DIAPH2: variants seen among roughly 807,000 people sequenced by gnomAD.
DIAPH2 encodes the protein diaphanous related formin 2.
Under a neutral mutation model 92.7 loss-of-function variants are expected in DIAPH2, and 35 were observed. That is an observed-to-expected ratio of 0.38 (90% CI 0.29 to 0.50). The LOEUF (loss-of-function observed/expected upper bound fraction) is 0.50, where lower values mean the gene tolerates loss of function less well. Among genes scored for constraint, DIAPH2 ranks in the 20% least tolerant of loss-of-function variants. The pLI is 0.94. For synonymous variants in DIAPH2, 301 were observed against 280.4 expected (o/e 1.07, Z -0.73); for missense variants, 701 against 819.5 (o/e 0.86, Z 1.77).
chrX:97,276,103 C>T (rs761184050), intron 23 of DIAPH2, among the ~76,000 whole-genome samples: 5 of 112,051 alleles, frequency 4.5e-5, no homozygotes, highest in South Asian at 3.8e-4. Flanking sequence ...AGCGAAACCC[C>T]GTCTCCACCA....
chrX:97,286,448 A>T (rs147546871), intron 23 of DIAPH2, among the ~76,000 whole-genome samples: 1,598 of 111,308 alleles, frequency 0.014, 11 homozygotes, highest in Non-Finnish European at 0.023. Flanking sequence ...TCTGCTTCCA[A>T]GCTGGGCTGT....
chrX:97,558,619 A>G (rs935960467), intron 26 of DIAPH2, among the ~76,000 whole-genome samples: 1 of 111,742 alleles, frequency 8.9e-6, no homozygotes, highest in Non-Finnish European at 1.9e-5. Flanking sequence ...TTTTAGAAAG[A>G]GACCTCTGGG....
intron 4 of DIAPH2, among the ~76,000 whole-genome samples, chrX:96,879,751 A>G (rs931364624): frequency 4.5e-5 from 5 of 110,276 alleles, no homozygotes; most frequent in Non-Finnish European, 9.5e-5. Context: ...TGTGGAGGAG[A>G]CGGAGTCTTG....
Position 97,299,688 on chromosome X carries a change from G to T in DIAPH2, c.2845-48428G>T, listed in dbSNP as rs762275541. Among the ~76,000 whole-genome samples the T allele has an allele frequency of 2.7e-5, 3 of 111,628 alleles. No individual in the cohort carries two copies. The Admixed American group carries it at 2.9e-4, about 11-fold the overall frequency. ...TCAGGATGGATATTATAAAAATAGCGCCAAATGTCAGTCTAAAGCAAAATA... is the reference window on the plus strand; with the variant it reads ...TCAGGATGGATATTATAAAAATAGCTCCAAATGTCAGTCTAAAGCAAAATA... On this transcript the variant is annotated intron_variant, in intron 23 of 26. Transcript: ENST00000324765.
intron 17 of DIAPH2, among the ~76,000 whole-genome samples, chrX:97,007,255 A>T (rs1366450724): frequency 9.0e-6 from 1 of 111,679 alleles, no homozygotes; most frequent in Non-Finnish European, 1.9e-5. Flanking sequence ...TTTTCTGTGT[A>T]CTTACTATTA....
intron 4 of DIAPH2, among the ~76,000 whole-genome samples, chrX:96,805,218 C>CACGT (rs1556186617): frequency 3.6e-4 from 2 of 5,488 alleles, no homozygotes; most frequent in African/African-American, 2.0e-3. Flanking sequence ...TACACACACA[C>CACGT]ACATACACAC....
intron 1 of DIAPH2, among the ~76,000 whole-genome samples, chrX:96,687,299 G>C (rs60131832): frequency 0.041 from 4,642 of 111,988 alleles, 247 homozygotes; most frequent in African/African-American, 0.14. Context: ...TGTCTACATA[G>C]ATTAAAATTT....
intron 24 of DIAPH2, among the ~76,000 whole-genome samples, chrX:97,351,720 G>C (rs1240118804): frequency 1.8e-5 from 2 of 110,639 alleles, no homozygotes; most frequent in East Asian, 5.6e-4. Flanking sequence ...GGAGAATAGC[G>C]TGAACCTGGG....
rs5920898 is a variant in DIAPH2, at chrX:97,281,932, T to G, written c.2844+34093T>G. Among the ~76,000 whole-genome samples the G allele has an allele frequency of 3.9e-3, 434 of 111,139 alleles. 2 individuals are homozygous for G. The highest frequency in any genetic ancestry group is 9.3e-3 in the Middle Eastern group (2 of 214). ...GCGTGAATAATATTGGCACTGGGTA[T>G]ACACTTACTGAAAAGGCTGGGCTTT... On this transcript the variant is annotated intron_variant, in intron 23 of 26. Transcript: ENST00000324765.
intron 23 of DIAPH2, among the ~76,000 whole-genome samples, chrX:97,256,123 T>C (rs2068234348): frequency 8.9e-6 from 1 of 112,421 alleles, no homozygotes; most frequent in South Asian, 3.7e-4. Flanking sequence ...CACCAGAAGC[T>C]AAGTTTTAAA....
intron 23 of DIAPH2, among the ~76,000 whole-genome samples, chrX:97,288,814 C>T (rs1231361266): frequency 9.1e-6 from 1 of 110,087 alleles, no homozygotes; most frequent in Non-Finnish European, 1.9e-5. Flanking sequence ...CCAATTAGAA[C>T]TGGTTAAGCT....
intron 17 of DIAPH2, among the ~76,000 whole-genome samples, chrX:97,042,215 T>C (rs1602740976): frequency 8.9e-6 from 1 of 112,152 alleles, no homozygotes. Flanking sequence ...TTCTTCTTGA[T>C]CTATAAATGT....
At chrX:97,243,407 C>G (rs781102303) in intron 22 of DIAPH2, among the ~76,000 whole-genome samples, 1 of 110,536 alleles carries the variant, frequency 9.0e-6, no homozygotes, top group Non-Finnish European at 1.9e-5. Context: ...CTGTGATACT[C>G]TGTAACCTGA....
At chrX:97,086,605 C>T (rs1312890213) in intron 19 of DIAPH2, among the ~76,000 whole-genome samples, 1 of 111,833 alleles carries the variant, frequency 8.9e-6, no homozygotes, top group Non-Finnish European at 1.9e-5. Context: ...AGTCATTCCA[C>T]AGTGTATACA....
At chrX:96,751,652 G>GTTTTT (rs1219167141) in intron 3 of DIAPH2, among the ~76,000 whole-genome samples, 11 of 60,292 alleles carry the variant, frequency 1.8e-4, no homozygotes, top group Non-Finnish European at 2.2e-4. Flanking sequence ...TCAGTGTTTT[G>GTTTTT]TTTTTTTTTT....
At chrX:97,573,046 T>C in intron 26 of DIAPH2, among the ~76,000 whole-genome samples, 1 of 111,745 alleles carries the variant, frequency 8.9e-6, no homozygotes, top group East Asian at 2.8e-4. Flanking sequence ...AGATGTCCCA[T>C]ATGGTTTAAA....
chrX:97,110,811 G>A (rs773890746), intron 20 of DIAPH2, among the ~76,000 whole-genome samples: 5 of 110,228 alleles, frequency 4.5e-5, no homozygotes, highest in African/African-American at 9.9e-5. Context: ...GTGAAACCCC[G>A]TCTCTACTAA....
At chrX:97,145,765 C>T (rs150242657) in intron 22 of DIAPH2, among the ~76,000 whole-genome samples, 1 of 110,582 alleles carries the variant, frequency 9.0e-6, no homozygotes, top group African/African-American at 3.3e-5. Context: ...ATTCTCAACT[C>T]AAAAAGATCT....
At chrX:96,913,080 C>A (rs1288025861) in intron 7 of DIAPH2, among the ~76,000 whole-genome samples, 2 of 109,991 alleles carry the variant, frequency 1.8e-5, no homozygotes, top group African/African-American at 3.3e-5. Context: ...AAATGGAGCC[C>A]TATTCCAATG....
Sources: allele counts gnomAD v4.1 joint callset (sites outside exome capture counted in the v4.1 genomes callset), GRCh38; gene constraint gnomAD v4.1.1; transcripts MANE v1.5; gene names NCBI Gene and HGNC (gene_info 2026-07-23, HGNC 2026-07-21).